The following DTNA variants were observed in gnomAD, a reference collection of about 807,000 sequenced individuals.
DTNA encodes the protein dystrobrevin alpha, also known as dystrophin-related protein 3.
A neutral mutation model predicts 100.7 loss-of-function variants in DTNA; 43 were observed. The observed-to-expected ratio is 0.43, with a 90% CI of 0.33 to 0.55. The LOEUF is 0.55. DTNA is among the 20% of genes least tolerant of loss of function. The pLI, the probability that DTNA is intolerant of heterozygous loss-of-function variation, is 0.04. For missense variants in DTNA, 798 were observed against 953.9 expected (o/e 0.84, Z 2.15); for synonymous variants, 349 against 347.9 (o/e 1.00, Z -0.04).
chr18:34,625,727 G>A (rs1421182724), intron 1 of DTNA, among the ~76,000 whole-genome samples: 1 of 152,154 alleles, frequency 6.6e-6, no homozygotes, highest in Non-Finnish European at 1.5e-5. Flanking sequence ...AGGAGAAGTT[G>A]GTATCAACGT....
intron 1 of DTNA, among the ~76,000 whole-genome samples, chr18:34,616,000 T>A (rs1190518559): frequency 6.6e-6 from 1 of 152,202 alleles, no homozygotes; most frequent in East Asian, 1.9e-4. Context: ...AATGGAGACC[T>A]AGGTTGATTT....
Position 34,818,363 on chromosome 18 carries a change from G to A in DTNA, c.876+33G>A, listed in dbSNP as rs569644900. 7 of 1,609,950 alleles carry A rather than the reference G, an allele frequency of 4.3e-6. No individual in the cohort carries two copies. The South Asian group carries it at 6.6e-5, about 15-fold the overall frequency. ...AAGGTCCAGGCAATACTTGGAGTTG[G>A]ATGTGTGAGTGTTGCCCAGAGTTAA... On this transcript the variant is annotated intron_variant, in intron 8 of 22. Coordinates refer to ENST00000444659, the MANE Select transcript of DTNA (RefSeq NM_001386795.1).
rs185240375 is a variant in DTNA at position 34,508,558 on chromosome 18, T to C, written c.-2+15044T>C. Among the ~76,000 whole-genome samples the C allele has an allele frequency of 9.3e-4, 141 of 152,190 alleles. 1 individual carries two copies. Among genetic ancestry groups the C allele is most frequent in the African/African-American group, 2.8e-3 (115 of 41,550 alleles). ...GACAAAATCAACAAGAAGTAAAAGG[T>C]TAAAAGGTTTTAAAATGTTTTATGA... On this transcript the variant is annotated intron_variant, in intron 1 of 19. Coordinates refer to the DTNA transcript ENST00000283365.
Position 34,853,792 on chromosome 18 carries a change from A to G in DTNA, c.1532+1864A>G, listed in dbSNP as rs1036507382. 2.0e-5 allele frequency among the ~76,000 whole-genome samples: 3 copies of G among 152,162 alleles called. No homozygotes were observed. The East Asian group carries it at 5.8e-4, about 29-fold the overall frequency. Reference sequence around the variant, plus strand: ...ATTATAAAAAAAAATAGCCATACAAATTGGAATTTGTTCAGGATACTCACA... The same window carrying G: ...ATTATAAAAAAAAATAGCCATACAAGTTGGAATTTGTTCAGGATACTCACA... On this transcript the variant is annotated intron_variant, in intron 15 of 22. Transcript: ENST00000444659.
intron 10 of DTNA, among the ~76,000 whole-genome samples, chr18:34,828,602 AT>A (rs931051095): frequency 6.6e-6 from 1 of 151,992 alleles, no homozygotes; most frequent in Non-Finnish European, 1.5e-5. Context: ...AACACAGCTG[AT>A]TTTTTTTCCT....
intron 1 of DTNA, among the ~76,000 whole-genome samples, chr18:34,753,714 A>G (rs140409544): frequency 2.9e-3 from 443 of 152,194 alleles, no homozygotes; most frequent in African/African-American, 0.01. Flanking sequence ...TTTTCATCTC[A>G]TTCTAACACA....
intron 1 of DTNA, among the ~76,000 whole-genome samples, chr18:34,749,245 GCAGT>G (rs896976611): frequency 3.9e-5 from 6 of 152,086 alleles, no homozygotes; most frequent in Admixed American, 1.3e-4. Flanking sequence ...TCCTAGGTGT[GCAGT>G]CACATCATCA....
upstream of DTNA, chr18:34,710,285 T>G (rs2082648279): frequency 6.6e-6 from 1 of 152,206 alleles, no homozygotes; most frequent in Admixed American, 6.5e-5. Context: ...TGCTGTGTGT[T>G]GAGCACAAGG....
chr18:34,735,951 C>G (rs2089482211), intron 1 of DTNA, among the ~76,000 whole-genome samples: 2 of 152,276 alleles, frequency 1.3e-5, no homozygotes, highest in Admixed American at 6.5e-5. Flanking sequence ...GGATCCTCAC[C>G]CAACTCACCC....
chr18:34,635,937 AG>A (rs2148231325), intron 1 of DTNA, among the ~76,000 whole-genome samples: 1 of 152,122 alleles, frequency 6.6e-6, no homozygotes, highest in African/African-American at 2.4e-5. Context: ...GAAATATCCA[AG>A]ATTGAATAAC....
At chr18:34,862,682 A>G (rs2096644537) in intron 16 of DTNA, among the ~76,000 whole-genome samples, 1 of 152,098 alleles carries the variant, frequency 6.6e-6, no homozygotes. Context: ...TGCCTGTAGT[A>G]TCAGCTACTC....
At chr18:34,843,188 A>C (rs1415628619) in intron 13 of DTNA, among the ~76,000 whole-genome samples, 3 of 152,182 alleles carry the variant, frequency 2.0e-5, no homozygotes, top group African/African-American at 7.2e-5. Context: ...CTTAAATTGA[A>C]CATTTAGTAT....
rs1433333950 is a variant in DTNA, at chr18:34,882,141, G to A, written c.2235G>A (p.Leu745=). ...ATGAAAATGACTCTGTCCGGCAGCTGGAGAATGAGCTCCAGATGGAGGAAT... is the reference window on the plus strand; with the variant it reads ...ATGAAAATGACTCTGTCCGGCAGCTAGAGAATGAGCTCCAGATGGAGGAAT... ...ENYENDSVRQ[L]ENELQMEEYL... is the part of the protein sequence containing the mutation. The change falls in exon 21 of 23, where the codon CTG becomes CTA. Residue 745 remains leucine (L), a synonymous_variant. Transcript: ENST00000444659. 4 of 1,613,962 alleles carry A rather than the reference G, an allele frequency of 2.5e-6. No individual in the cohort carries two copies. The highest frequency in any genetic ancestry group is 2.2e-5 in the South Asian group (2 of 91,086).
At chr18:34,748,346 A>G (rs1037699172) in intron 1 of DTNA, among the ~76,000 whole-genome samples, 4 of 152,008 alleles carry the variant, frequency 2.6e-5, no homozygotes, top group Admixed American at 6.6e-5. Context: ...TTCTTGTCAC[A>G]TTTGCTTTTG....
intron 1 of DTNA, among the ~76,000 whole-genome samples, chr18:34,590,416 A>G (rs974518333): frequency 3.3e-5 from 5 of 152,356 alleles, no homozygotes; most frequent in African/African-American, 1.2e-4. Flanking sequence ...CTATAAAACT[A>G]TCACCATGAG....
At chr18:34,518,404 AG>A (rs1440137041) in intron 1 of DTNA, among the ~76,000 whole-genome samples, 7 of 152,052 alleles carry the variant, frequency 4.6e-5, no homozygotes, top group Non-Finnish European at 1.0e-4. Context: ...TCTTTCACAG[AG>A]CAAATAGTTT....
chr18:34,633,279 G>C (rs151107587), intron 1 of DTNA, among the ~76,000 whole-genome samples: 1 of 152,006 alleles, frequency 6.6e-6, no homozygotes, highest in Non-Finnish European at 1.5e-5. Context: ...ATCTAAAGTC[G>C]GTGAAATACA....
chr18:34,829,264 C>T, intron 10 of DTNA, 136 bp from the exon 11 acceptor site: 9 of 1,522,884 alleles, frequency 5.9e-6, no homozygotes, highest in Non-Finnish European at 7.9e-6. Context: ...TCTGTCACCA[C>T]AGAGATTGGC....
At chr18:34,658,430 G>A (rs2074701794) in intron 1 of DTNA, among the ~76,000 whole-genome samples, 1 of 152,166 alleles carries the variant, frequency 6.6e-6, no homozygotes, top group Non-Finnish European at 1.5e-5. Flanking sequence ...TTGGCTCACT[G>A]TAATCTCTGC....
Sources: allele counts gnomAD v4.1 joint callset (sites outside exome capture counted in the v4.1 genomes callset), GRCh38; gene constraint gnomAD v4.1.1; transcripts MANE v1.5; gene names NCBI Gene and HGNC (gene_info 2026-07-23, HGNC 2026-07-21).